The following FAM81A variants were observed in gnomAD, a reference collection of about 807,000 sequenced individuals.
FAM81A encodes the protein family with sequence similarity 81 member A, also known as protein FAM81A.
Under a neutral mutation model 46.7 loss-of-function variants are expected in FAM81A, and 19 were observed. The observed-to-expected ratio is 0.41, with a 90% CI of 0.28 to 0.60. The LOEUF (loss-of-function observed/expected upper bound fraction) is 0.60, where lower values mean the gene tolerates loss of function less well. FAM81A is among the 20% of genes least tolerant of loss of function. The pLI, the probability that FAM81A is intolerant of heterozygous loss-of-function variation, is 0.34. For missense variants in FAM81A, 377 were observed against 453.5 expected (o/e 0.83, Z 1.53); for synonymous variants, 183 against 152.9 (o/e 1.20, Z -1.45).
At chr15:59,455,462 G>A (rs1393043254) in intron 1 of FAM81A, among the ~76,000 whole-genome samples, 3 of 152,098 alleles carry the variant, frequency 2.0e-5, no homozygotes, top group Non-Finnish European at 4.4e-5. Flanking sequence ...AATTAACAAC[G>A]GGAAGATCTG....
At chr15:59,455,522 T>C (rs1237288188) in intron 1 of FAM81A, among the ~76,000 whole-genome samples, 1 of 152,202 alleles carries the variant, frequency 6.6e-6, no homozygotes, top group African/African-American at 2.4e-5. Flanking sequence ...TCATTATCAA[T>C]CTTTATTCAT....
At chr15:59,439,897 A>G (rs62013069) in intron 1 of FAM81A, 4 of 151,782 alleles carry the variant, frequency 2.6e-5, no homozygotes, top group South Asian at 2.1e-4. Context: ...ACCTGGCTTT[A>G]AATGTCTTGT....
At chr15:59,509,397 C>A (rs563690843) in intron 6 of FAM81A, among the ~76,000 whole-genome samples, 3 of 152,190 alleles carry the variant, frequency 2.0e-5, no homozygotes, top group Non-Finnish European at 4.4e-5. Context: ...CTCTAAACAT[C>A]TTCATGTCCT....
intron 4 of FAM81A, among the ~76,000 whole-genome samples, chr15:59,498,159 A>C (rs1183382627): frequency 2.6e-5 from 4 of 152,232 alleles, no homozygotes; most frequent in African/African-American, 9.7e-5. Flanking sequence ...CCCAAAATTC[A>C]GTATTTGGAT....
At chr15:59,485,211 C>G (rs1317123145) in intron 3 of FAM81A, among the ~76,000 whole-genome samples, 1 of 152,212 alleles carries the variant, frequency 6.6e-6, no homozygotes, top group Non-Finnish European at 1.5e-5. Flanking sequence ...GGGAAGGACA[C>G]AAGCCTGGCT....
chr15:59,458,728 A>G, intron 2 of FAM81A, 82 bp downstream of exon 2: 2 of 1,358,494 alleles, frequency 1.5e-6, no homozygotes, highest in South Asian at 2.4e-5. Flanking sequence ...CTGTTACATT[A>G]TCGGAGAATG....
In FAM81A at chr15:59,521,608, G is replaced by A; in HGVS notation, c.*230G>A. On this transcript the variant is annotated 3_prime_UTR_variant, in exon 9 of 9. Transcript: ENST00000288228. The stretch of plus-strand genomic sequence containing the variant: ...TTTATTTCACTTCTCTAAATTCAAT[G>A]GAAATCCCCCGCCCTGGATTTTGAA... The A allele has an allele frequency of 2.5e-6, 1 of 398,700 alleles. No individual in the cohort carries two copies. Among genetic ancestry groups the A allele is most frequent in the South Asian group, 1.0e-4 (1 of 9,900 alleles). The allele number at this position is 398,700 out of a possible 1,614,324, so 24.7% of individuals were successfully genotyped here. A position where few individuals can be genotyped will look rare whatever the true frequency, so the allele number is the denominator to read the frequency against.
At chr15:59,486,175 GAAGA>G (rs138638619) in intron 3 of FAM81A, among the ~76,000 whole-genome samples, 11 of 151,634 alleles carry the variant, frequency 7.3e-5, no homozygotes, top group Non-Finnish European at 1.0e-4. Context: ...GCAACACTCT[GAAGA>G]AAGAAAGAAA....
chr15:59,411,743 C>T (rs2081121539), intron 2 of FAM81A, among the ~76,000 whole-genome samples: 1 of 152,066 alleles, frequency 6.6e-6, no homozygotes, highest in African/African-American at 2.4e-5. Context: ...TGGTGAAACC[C>T]CATCTCTACT....
chr15:59,450,100 T>TCTC (rs2081400632), intron 1 of FAM81A, among the ~76,000 whole-genome samples: 1 of 48,164 alleles, frequency 2.1e-5, no homozygotes, highest in Non-Finnish European at 3.5e-5. Context: ...TTTTTCTTTC[T>TCTC]TTCTTTTTTT....
At chr15:59,508,999 A>G (rs776623527) in intron 6 of FAM81A, 30 bp downstream of exon 6, 1 of 1,555,356 alleles carries the variant, frequency 6.4e-7, no homozygotes, top group Admixed American at 1.8e-5. Context: ...AAAAAATAAA[A>G]CTTAAAGTTC....
chr15:59,487,960 AC>A (rs200295501), intron 3 of FAM81A, among the ~76,000 whole-genome samples: 19 of 151,992 alleles, frequency 1.3e-4, no homozygotes, highest in African/African-American at 4.6e-4. Flanking sequence ...AAAAACAACA[AC>A]AAAAAAACAA....
chr15:59,477,585 T>G (rs2081788878), intron 3 of FAM81A, among the ~76,000 whole-genome samples: 1 of 152,246 alleles, frequency 6.6e-6, no homozygotes, highest in Non-Finnish European at 1.5e-5. Flanking sequence ...AAATATGTTT[T>G]CAAACCATTA....
chr15:59,500,327 C>G (rs1180118749), intron 4 of FAM81A, among the ~76,000 whole-genome samples: 2 of 152,080 alleles, frequency 1.3e-5, no homozygotes, highest in African/African-American at 4.8e-5. Flanking sequence ...GAGTTGGAGT[C>G]TTACTCTTCA....
intron 3 of FAM81A, among the ~76,000 whole-genome samples, chr15:59,481,510 G>A (rs777226662): frequency 1.1e-4 from 17 of 151,332 alleles, no homozygotes; most frequent in Non-Finnish European, 2.1e-4. Context: ...TATTTTATAT[G>A]CCTCTTAATA....
At chr15:59,516,965 G>C in intron 8 of FAM81A, 125 bp downstream of exon 8, 1 of 890,240 alleles carries the variant, frequency 1.1e-6, no homozygotes, top group Admixed American at 3.5e-5. Context: ...ATCCTTAGTT[G>C]ATTTTCTGAG....
At chr15:59,468,602 C>A (rs1360093316) in intron 3 of FAM81A, among the ~76,000 whole-genome samples, 2 of 149,838 alleles carry the variant, frequency 1.3e-5, no homozygotes, top group Non-Finnish European at 3.0e-5. Flanking sequence ...TCTCTCTTTT[C>A]TTCTTTATTA....
chr15:59,476,987 G>A lies in FAM81A; in HGVS notation c.295-15284G>A, dbSNP rs566183068. ...ATACAAAAATTAGCTGGGTGTGGTGGCAGGTGCCTGTAACCCCAGCTACTT... is the reference window on the plus strand; with the variant it reads ...ATACAAAAATTAGCTGGGTGTGGTGACAGGTGCCTGTAACCCCAGCTACTT... On this transcript the variant is annotated intron_variant, in intron 3 of 8. Coordinates refer to ENST00000288228, the MANE Select transcript of FAM81A (RefSeq NM_152450.3). Among the ~76,000 whole-genome samples the A allele has an allele frequency of 5.9e-5, 9 of 151,864 alleles. No homozygotes were observed. In the South Asian group the frequency reaches 1.2e-3, roughly 21 times the overall value.
intron 2 of FAM81A, among the ~76,000 whole-genome samples, chr15:59,411,281 C>CTCTT (rs1470597046): frequency 2.6e-5 from 4 of 152,074 alleles, no homozygotes; most frequent in African/African-American, 9.7e-5. Flanking sequence ...GAGGGAAGGG[C>CTCTT]TCTTTCTATG....
Sources: gnomAD v4.1 joint callset for allele counts (sites outside exome capture counted in the v4.1 genomes callset) on GRCh38, gnomAD v4.1.1 for gene constraint, MANE v1.5 for transcripts, NCBI Gene and HGNC (gene_info 2026-07-23, HGNC 2026-07-21) for gene names.